ITM2B: variants seen among roughly 807,000 people sequenced by gnomAD.
ITM2B encodes the protein ABri/ADan amyloid peptide.
ITM2B carries 11 observed loss-of-function variants against 27.8 expected under a neutral mutation model. The ratio of observed to expected loss-of-function variants is 0.40; its 90% CI spans 0.25 to 0.66. The LOEUF (loss-of-function observed/expected upper bound fraction) is 0.66. Ranked by LOEUF, ITM2B falls within the 30% of genes least tolerant of loss-of-function variation. The pLI, the probability that ITM2B is intolerant of heterozygous loss-of-function variation, is 0.43. For missense variants in ITM2B, 296 were observed against 328.9 expected, an observed-to-expected ratio of 0.90 and a Z score of 0.77; for synonymous variants, 114 against 114.3, an observed-to-expected ratio of 1.00 and a Z score of 0.02.
chr13:48,259,593 T>C (rs1012156651), intron 5 of ITM2B, among the ~76,000 whole-genome samples: 1 of 152,156 alleles, frequency 6.6e-6, no homozygotes, highest in African/African-American at 2.4e-5. Context: ...TTCTTTGGAA[T>C]TGTGTCACCC....
At chr13:48,238,026 T>C (rs1373465122) in intron 1 of ITM2B, among the ~76,000 whole-genome samples, 1 of 152,202 alleles carries the variant, frequency 6.6e-6, no homozygotes, top group Non-Finnish European at 1.5e-5. Context: ...TACTGAAACC[T>C]GTTAAAGGAT....
Position 48,252,095 on chromosome 13 carries a change from A to G in ITM2B, c.118-1713A>G, listed in dbSNP as rs555890796. ...CAATGCACTGATTCTTAGAATACAC[A>G]TTGTTTGTTGTTCAGTGTTAAATTC... is the stretch of plus-strand genomic sequence containing the variant. On this transcript the variant is annotated intron_variant, in intron 1 of 5. Coordinates refer to ENST00000647800, the MANE Select transcript of ITM2B (RefSeq NM_021999.5). Among the ~76,000 whole-genome samples the G allele has an allele frequency of 2.0e-5, 3 of 152,308 alleles. No individual in the cohort carries two copies. The East Asian group carries it at 5.8e-4, about 29-fold the overall frequency.
intron 1 of ITM2B, among the ~76,000 whole-genome samples, chr13:48,243,654 A>AAAAAATTT (rs1214883919): frequency 6.6e-5 from 10 of 152,040 alleles, no homozygotes; most frequent in Non-Finnish European, 1.2e-4. Context: ...CACCTCCACA[A>AAAAAATTT]AAAAATTTAA....
chr13:48,260,460 C>T (rs1011728821), intron 5 of ITM2B, among the ~76,000 whole-genome samples: 7 of 152,176 alleles, frequency 4.6e-5, no homozygotes, highest in Non-Finnish European at 7.4e-5. Context: ...TACACTCCCA[C>T]CAACAGTGTA....
At chr13:48,242,097 C>T (rs1440769355) in intron 1 of ITM2B, among the ~76,000 whole-genome samples, 1 of 152,140 alleles carries the variant, frequency 6.6e-6, no homozygotes, top group African/African-American at 2.4e-5. Flanking sequence ...TATTTACACA[C>T]TGCACACATG....
At chr13:48,234,480 A>G (rs762234312) in intron 1 of ITM2B, among the ~76,000 whole-genome samples, 4 of 152,100 alleles carry the variant, frequency 2.6e-5, no homozygotes, top group Admixed American at 6.5e-5. Context: ...TTCAAGACCT[A>G]TTATCAGTAG....
chr13:48,259,083 G>A lies in ITM2B; in HGVS notation c.715+136G>A, dbSNP rs550550969. 3.9e-5 allele frequency: 25 copies of A among 638,080 alleles called. No individual in the cohort carries two copies. The South Asian group carries it at 5.2e-4, about 13-fold the overall frequency. 39.5% of individuals were successfully genotyped at this position (638,080 alleles called of 1,614,324 possible). On this transcript the variant is annotated intron_variant, in intron 5 of 5. Transcript: ENST00000647800. Reference sequence around the variant, plus strand: ...ATTGTGTCGTTATATAATATTTCCAGGTTTCTATAGAATTATCTTAATTCC... The same window carrying A: ...ATTGTGTCGTTATATAATATTTCCAAGTTTCTATAGAATTATCTTAATTCC...
chr13:48,254,031 G>C lies in ITM2B; in HGVS notation c.246+95G>C, dbSNP rs565763566. ...ATTGTTTACAACTTGCGCTAAGCTTGTACTTTTTATCTGTGACCTTCAGCC... is the reference window on the plus strand; with the variant it reads ...ATTGTTTACAACTTGCGCTAAGCTTCTACTTTTTATCTGTGACCTTCAGCC... On this transcript the variant is annotated intron_variant, in intron 2 of 5. Coordinates refer to ENST00000647800, the MANE Select transcript of ITM2B (RefSeq NM_021999.5). 14 of 1,233,432 alleles carry C rather than the reference G, an allele frequency of 1.1e-5. No individual in the cohort carries two copies. In the Admixed American group the frequency reaches 2.6e-4, roughly 23 times the overall value. The allele number at this position is 1,233,432 out of a possible 1,614,324, so 76.4% of individuals were successfully genotyped here.
chr13:48,246,256 C>T (rs551428316), intron 1 of ITM2B, among the ~76,000 whole-genome samples: 5 of 152,306 alleles, frequency 3.3e-5, no homozygotes, highest in African/African-American at 9.6e-5. Context: ...ATAGAGTACT[C>T]ACAAATATAG....
At chr13:48,236,266 T>C (rs1951667654) in intron 1 of ITM2B, among the ~76,000 whole-genome samples, 1 of 152,226 alleles carries the variant, frequency 6.6e-6, no homozygotes, top group Admixed American at 6.5e-5. Flanking sequence ...AATTTGAAAT[T>C]ATATACATGT....
At chr13:48,233,983 A>G (rs1220744883) in intron 1 of ITM2B, among the ~76,000 whole-genome samples, 1 of 152,150 alleles carries the variant, frequency 6.6e-6, no homozygotes, top group Non-Finnish European at 1.5e-5. Context: ...TAATTTTAAA[A>G]GCGTTTCTTT....
chr13:48,247,859 T>C (rs2137986222), intron 1 of ITM2B, among the ~76,000 whole-genome samples: 1 of 152,332 alleles, frequency 6.6e-6, no homozygotes, highest in South Asian at 2.1e-4. Flanking sequence ...GGCCAGCGTG[T>C]GCTGCAGTGT....
intron 5 of ITM2B, among the ~76,000 whole-genome samples, chr13:48,259,399 T>C (rs991620077): frequency 1.3e-5 from 2 of 152,240 alleles, no homozygotes; most frequent in Non-Finnish European, 2.9e-5. Flanking sequence ...GGTGAAGAAC[T>C]AAGAGCATTG....
chr13:48,252,286 CA>C, intron 1 of ITM2B, among the ~76,000 whole-genome samples: 1 of 152,202 alleles, frequency 6.6e-6, no homozygotes. Context: ...ATTCTTGCTT[CA>C]ACCAAATCTA....
intron 1 of ITM2B, among the ~76,000 whole-genome samples, chr13:48,242,403 T>G (rs182214216): frequency 6.6e-6 from 1 of 151,364 alleles, no homozygotes; most frequent in East Asian, 1.9e-4. Context: ...CTTTCTTTCT[T>G]TCTTTCTTTT....
Position 48,263,852 on chromosome 13 carries a change from C to T in ITM2B, c.*2628C>T, listed in dbSNP as rs1450342459. ...TAACACCTCTCAAAGGCCCCATTTC[C>T]TAATACTGTCACCTTGGGGGTAAGG... On this transcript the variant is annotated 3_prime_UTR_variant, in exon 6 of 6. Coordinates refer to ENST00000647800, the MANE Select transcript of ITM2B (RefSeq NM_021999.5). 1 of 152,128 alleles carries T rather than the reference C, an allele frequency of 6.6e-6. No homozygotes were observed. The highest frequency in any genetic ancestry group is 1.9e-4 in the East Asian group (1 of 5,190). The allele number at this position is 152,128 out of a possible 1,614,324, so 9.4% of individuals were successfully genotyped here.
intron 1 of ITM2B, among the ~76,000 whole-genome samples, chr13:48,243,879 G>A (rs149350454): frequency 6.0e-4 from 91 of 152,152 alleles, no homozygotes; most frequent in African/African-American, 2.1e-3. Flanking sequence ...CAGGCTATGT[G>A]GTTTCTGGTT....
In ITM2B at chr13:48,258,176, T is replaced by A; in HGVS notation, c.504T>A (p.Pro168=). 6.2e-7 allele frequency: 1 copy of A among 1,606,700 alleles called. No individual in the cohort carries two copies. Among genetic ancestry groups the A allele is most frequent in the Non-Finnish European group, 8.5e-7 (1 of 1,173,418 alleles). ...ACCTGGATAAGTGCTATGTGATCCCTCTGAACACTTCCATTGTTATGCCAC... is the reference window on the plus strand; with the variant it reads ...ACCTGGATAAGTGCTATGTGATCCCACTGAACACTTCCATTGTTATGCCAC... ...DLNLDKCYVI[P]LNTSIVMPPR... is the part of the protein sequence containing the mutation. Residue 168 remains proline (P), a synonymous_variant, in exon 4 of 6, where the codon CCT becomes CCA. Transcript: ENST00000647800.
At chr13:48,251,696 G>GT (rs1354104412) in intron 1 of ITM2B, among the ~76,000 whole-genome samples, 1 of 152,110 alleles carries the variant, frequency 6.6e-6, no homozygotes, top group African/African-American at 2.4e-5. Context: ...TGGGGTGGGT[G>GT]TGTGCGCACA....
Sources: gnomAD v4.1 joint callset for allele counts (sites outside exome capture counted in the v4.1 genomes callset) on GRCh38, gnomAD v4.1.1 for gene constraint, MANE v1.5 for transcripts, NCBI Gene and HGNC (gene_info 2026-07-23, HGNC 2026-07-21) for gene names.